Variants in DHX34 observed in about 807,000 individuals in gnomAD.
DHX34 encodes probable ATP-dependent RNA helicase DHX34.
DHX34 carries 96 observed loss-of-function variants against 111.1 expected under a neutral mutation model. The ratio of observed to expected loss-of-function variants is 0.86; its 90% CI spans 0.73 to 1.02. DHX34 has a LOEUF of 1.02. DHX34 is among the 50% of genes least tolerant of loss of function. The pLI is 0.00. For missense variants in DHX34, 1,560 were observed against 1,579.9 expected, an observed-to-expected ratio of 0.99 and a Z score of 0.21; for synonymous variants, 688 against 670.4, an observed-to-expected ratio of 1.03 and a Z score of -0.41.
At chr19:47,368,357 A>G (rs868260416) in intron 7 of DHX34, among the ~76,000 whole-genome samples, 54 of 117,044 alleles carry the variant, frequency 4.6e-4, no homozygotes, top group African/African-American at 1.8e-3. Flanking sequence ...CCCAGGCTGG[A>G]GTGCAATGGT....
At chr19:47,360,099 C>T (rs1568397074) in intron 5 of DHX34, 29 bp downstream of exon 5, 1 of 1,608,890 alleles carries the variant, frequency 6.2e-7, no homozygotes, top group Non-Finnish European at 8.5e-7. Context: ...CCCTACCCAC[C>T]ACCCCCAAGG....
intron 10 of DHX34, 98 bp from the exon 11 acceptor site, chr19:47,375,826 G>C (rs1171498958): frequency 1.6e-5 from 24 of 1,544,676 alleles, no homozygotes; most frequent in Non-Finnish European, 1.2e-5. Flanking sequence ...TCCATGGACG[G>C]TGCTTGGTCC....
intron 9 of DHX34, 110 bp from the exon 10 acceptor site, chr19:47,375,356 A>G: frequency 2.1e-6 from 3 of 1,430,524 alleles, no homozygotes; most frequent in Non-Finnish European, 2.7e-6. Context: ...GGCTGTTTTC[A>G]GCCCCCTTTG....
intron 15 of DHX34, 33 bp from the exon 16 acceptor site, chr19:47,381,153 G>C (rs556358563): frequency 1.9e-6 from 3 of 1,608,870 alleles, no homozygotes; most frequent in South Asian, 2.2e-5. Flanking sequence ...GGCACTTGGC[G>C]GGGGCCCAGC....
Position 47,353,707 on chromosome 19 carries a change from T to C in DHX34, c.677T>C (p.Phe226Ser), listed in dbSNP as rs1599751609. The change falls in exon 2 of 17, where the codon TTT (phenylalanine) becomes TCT (serine). Residue 226 changes from phenylalanine (F) to serine (S), a missense_variant. By Grantham distance (155) the Phe-to-Ser change is radical (BLOSUM62 -2). Coordinates refer to ENST00000328771, the MANE Select transcript of DHX34 (RefSeq NM_014681.6). The surrounding 1 kb of genome is among the most constrained non-coding windows in gnomAD (Gnocchi z 4.6). ...ACISLAKRVG[F>S]ESLSQYGSQV... ...ATCTCACTGGCCAAGCGTGTGGGCT[T>C]TGAGAGCCTCAGTCAGTATGGCTCA... is the stretch of plus-strand genomic sequence containing the variant. The C allele has an allele frequency of 2.5e-6, 4 of 1,604,566 alleles. No homozygotes were observed. Among genetic ancestry groups the C allele is most frequent in the Non-Finnish European group, 3.4e-6 (4 of 1,174,302 alleles).
chr19:47,375,996 C>T lies in DHX34; in HGVS notation c.2380C>T (p.Arg794Cys), dbSNP rs763042083. 5.0e-6 allele frequency: 8 copies of T among 1,605,584 alleles called. No individual in the cohort carries two copies. Among genetic ancestry groups the T allele is most frequent in the African/African-American group, 1.3e-5 (1 of 74,426 alleles). The part of the protein sequence containing the change: ...AAASSAQDLS[R>C]EQLALLKLVL... ...TGCCAGCTCAGCCCAGGACCTGAGCCGCGAGCAGCTGGCTCTGCTGAAGCT... is the reference window on the plus strand; with the variant it reads ...TGCCAGCTCAGCCCAGGACCTGAGCTGCGAGCAGCTGGCTCTGCTGAAGCT... Residue 794 changes from arginine to cysteine, a missense_variant, in exon 11 of 17, where the codon CGC (arginine) becomes TGC (cysteine). Physicochemically the swap from Arg to Cys is radical, Grantham distance 180 (BLOSUM62 -3). Coordinates refer to ENST00000328771, the MANE Select transcript of DHX34 (RefSeq NM_014681.6).
intron 11 of DHX34, 78 bp from the exon 12 acceptor site, chr19:47,376,365 C>T (rs1970156249): frequency 6.4e-7 from 1 of 1,554,188 alleles, no homozygotes; most frequent in Non-Finnish European, 8.7e-7. Flanking sequence ...GAACCTGGGC[C>T]AGAGGGTGGA....
intron 4 of DHX34, among the ~76,000 whole-genome samples, chr19:47,359,650 C>T (rs768431220): frequency 1.3e-5 from 2 of 151,954 alleles, no homozygotes; most frequent in Non-Finnish European, 2.9e-5. Flanking sequence ...GGCATGGTGG[C>T]GGGCACCTGT....
At chr19:47,359,945 A>G in intron 4 of DHX34, 23 bp from the exon 5 acceptor site, 2 of 1,613,900 alleles carry the variant, frequency 1.2e-6, no homozygotes, top group South Asian at 1.1e-5. Context: ...AGTTCCTGAC[A>G]CCACCCCCTC....
chr19:47,375,643 G>T lies in DHX34; in HGVS notation c.2242G>T (p.Gly748Cys), dbSNP rs775611625. Reference protein sequence around the residue: ...VLRLQEEQDGGSSDEDRAGPA... With the variant: ...VLRLQEEQDGCSSDEDRAGPA... Reference sequence around the variant, plus strand: ...GCGGCTGCAGGAGGAGCAGGACGGCGGCTCCAGTGACGAGGACAGGGCTGG... The same window carrying T: ...GCGGCTGCAGGAGGAGCAGGACGGCTGCTCCAGTGACGAGGACAGGGCTGG... Residue 748 changes from glycine (G) to cysteine (C), a missense_variant, in exon 10 of 17, where the codon GGC (glycine) becomes TGC (cysteine). Transcript: ENST00000328771. 6.4e-7 allele frequency: 1 copy of T among 1,554,272 alleles called. No homozygotes were observed. The highest frequency in any genetic ancestry group is 1.4e-5 in the African/African-American group (1 of 73,674).
At chr19:47,373,438 G>T (rs893837660) in intron 8 of DHX34, 161 bp from the exon 9 acceptor site, 1 of 979,780 alleles carries the variant, frequency 1.0e-6, no homozygotes, top group African/African-American at 1.8e-5. Flanking sequence ...TGGGTAGTCT[G>T]GGAGGGCTTC....
intron 9 of DHX34, among the ~76,000 whole-genome samples, chr19:47,374,840 A>G (rs952904773): frequency 6.6e-6 from 1 of 152,306 alleles, no homozygotes; most frequent in East Asian, 1.9e-4. Context: ...ATGCACACAT[A>G]CAGACACACA....
intron 9 of DHX34, 56 bp from the exon 10 acceptor site, chr19:47,375,410 G>A: frequency 1.3e-6 from 2 of 1,510,902 alleles, no homozygotes; most frequent in Non-Finnish European, 1.8e-6. Context: ...ATTTCCATGA[G>A]TCCAGAGCCC....
At chr19:47,370,035 G>C (rs1169446942) in intron 7 of DHX34, among the ~76,000 whole-genome samples, 1 of 152,142 alleles carries the variant, frequency 6.6e-6, no homozygotes, top group Non-Finnish European at 1.5e-5. Flanking sequence ...CAGACCCTCT[G>C]ACCCTGTCGT....
At chr19:47,376,152 G>A in intron 11 of DHX34, 55 bp downstream of exon 11, 1 of 1,519,586 alleles carries the variant, frequency 6.6e-7, no homozygotes, top group South Asian at 1.3e-5. Flanking sequence ...CGAACCCTGA[G>A]TGCCTGTCCT....
At chr19:47,356,980 GTTTTTGT>G (rs747317720) in intron 3 of DHX34, among the ~76,000 whole-genome samples, 32 of 152,220 alleles carry the variant, frequency 2.1e-4, no homozygotes, top group Non-Finnish European at 3.8e-4. Context: ...GTTTTCTAGG[GTTTTTGT>G]TTTTTGTTTT....
At chr19:47,369,739 T>A (rs1221650009) in intron 7 of DHX34, among the ~76,000 whole-genome samples, 1 of 152,012 alleles carries the variant, frequency 6.6e-6, no homozygotes, top group Admixed American at 6.6e-5. Flanking sequence ...GGGACAGCTG[T>A]CCCTCTGGCC....
At chr19:47,381,943 A>C in intron 16 of DHX34, 37 bp from the exon 17 acceptor site, 1 of 1,613,670 alleles carries the variant, frequency 6.2e-7, no homozygotes, top group Non-Finnish European at 8.5e-7. Flanking sequence ...GTGCACTGGA[A>C]CACGCCCCTC....
At chr19:47,381,545 GTGTCTCTGTGTTGCTGTCTT>G in intron 16 of DHX34, 1 of 636,854 alleles carries the variant, frequency 1.6e-6, no homozygotes, top group Non-Finnish European at 2.7e-6. Context: ...GTCCCCTGTG[GTGTCTCTGTGTTGCTGTCTT>G]TGTCTCTGTT....
Sources: gnomAD v4.1 joint callset for allele counts (sites outside exome capture counted in the v4.1 genomes callset) on GRCh38, gnomAD v4.1.1 for gene constraint, Gnocchi (gnomAD v3.1) non-coding constraint, MANE v1.5 for transcripts, NCBI Gene and HGNC (gene_info 2026-07-23, HGNC 2026-07-21) for gene names.